Variants in GABRQ observed in about 807,000 individuals in gnomAD.
The protein encoded by GABRQ is gamma-aminobutyric acid receptor subunit theta.
In GABRQ, 19 loss-of-function variants were observed where a neutral mutation model predicts 30.5. The observed-to-expected ratio is 0.62, with a 90% CI of 0.43 to 0.91. The LOEUF (loss-of-function observed/expected upper bound fraction) is 0.91. Among genes scored for constraint, GABRQ ranks in the 40% least tolerant of loss-of-function variants. The pLI is 0.00. For synonymous variants in GABRQ, 187 were observed against 210.2 expected, an observed-to-expected ratio of 0.89 and a Z score of 0.95; for missense variants, 520 against 521.4, an observed-to-expected ratio of 1.00 and a Z score of 0.03.
Position 152,655,896 on chromosome X carries a change from C to T in GABRQ, c.*2615C>T, listed in dbSNP as rs1258547263. ...AGCAATGCACATGAAGGCTTCACAG[C>T]ACAGAGGAAGGGCAGCGAGGCCAGT... On this transcript the variant is annotated 3_prime_UTR_variant, in exon 9 of 9. Coordinates refer to ENST00000598523, the MANE Select transcript of GABRQ (RefSeq NM_018558.4). 1.8e-5 allele frequency: 2 copies of T among 112,093 alleles called. No homozygotes were observed. Among genetic ancestry groups the T allele is most frequent in the Non-Finnish European group, 3.8e-5 (2 of 53,194 alleles). 9.2% of individuals were successfully genotyped at this position (112,093 alleles called of 1,213,427 possible).
In GABRQ at chrX:152,651,683, C is replaced by T; in HGVS notation, c.1059C>T (p.Phe353=). Residue 353 remains phenylalanine, a synonymous_variant, in exon 8 of 9, where the codon TTC becomes TTT. Coordinates refer to ENST00000598523, the MANE Select transcript of GABRQ (RefSeq NM_018558.4). ...AGTATGTCTACATCAACTATCTTTT[C>T]TACAGTCGAGGACCTCGGCGCCAGC... The part of the protein sequence containing the change: ...LLEYVYINYL[F]YSRGPRRQPR... The T allele has an allele frequency of 8.3e-7, 1 of 1,210,519 alleles. No individual in the cohort carries two copies. The highest frequency in any genetic ancestry group is 1.1e-6 in the Non-Finnish European group (1 of 894,175).
rs781875106 is a variant in GABRQ, at chrX:152,653,485, G to A, written c.*204G>A. On this transcript the variant is annotated 3_prime_UTR_variant, in exon 9 of 9. Transcript: ENST00000598523. The stretch of plus-strand genomic sequence containing the variant: ...CTGGAAGGGAAGGGATTGAGGAGGA[G>A]TTGGAGGTATACAGCACATGGATTT... 3.2e-5 allele frequency: 13 copies of A among 405,191 alleles called. No individual in the cohort carries two copies. The highest frequency in any genetic ancestry group is 5.5e-5 in the Non-Finnish European group (13 of 236,285). The allele number at this position is 405,191 out of a possible 1,213,427, so 33.4% of individuals were successfully genotyped here.
rs782023631 is a variant in GABRQ at position 152,649,445 on chromosome X, C to T, written c.610+112C>T. 1.4e-5 allele frequency: 7 copies of T among 514,740 alleles called. No homozygotes were observed. The African/African-American group carries it at 1.6e-4, about 12-fold the overall frequency. The allele number at this position is 514,740 out of a possible 1,213,427, so 42.4% of individuals were successfully genotyped here. Reference sequence around the variant, plus strand: ...AGTGTATCTCCTGTGCTCCCTCCCTCCCCCCATTCTCTCTCCCAAAATAAA... The same window carrying T: ...AGTGTATCTCCTGTGCTCCCTCCCTTCCCCCATTCTCTCTCCCAAAATAAA... On this transcript the variant is annotated intron_variant, in intron 5 of 8. Transcript: ENST00000598523.
chrX:152,652,309 G>A (rs1190185726), intron 8 of GABRQ, among the ~76,000 whole-genome samples: 14 of 113,053 alleles, frequency 1.2e-4, no homozygotes, highest in African/African-American at 3.5e-4. Context: ...TGCCTCCAGC[G>A]AGACACTGGC....
intron 4 of GABRQ, among the ~76,000 whole-genome samples, 173 bp downstream of exon 4, chrX:152,647,341 C>T (rs1165534238): frequency 8.9e-6 from 1 of 111,732 alleles, no homozygotes; most frequent in African/African-American, 3.3e-5. Flanking sequence ...TCACAGTTTC[C>T]CACAGACACC....
chrX:152,653,456 C>A lies in GABRQ; in HGVS notation c.*175C>A. 2.3e-6 allele frequency: 1 copy of A among 425,998 alleles called. No individual in the cohort carries two copies. The highest frequency in any genetic ancestry group is 3.8e-5 in the East Asian group (1 of 26,512). The allele number at this position is 425,998 out of a possible 1,213,427, so 35.1% of individuals were successfully genotyped here. The stretch of plus-strand genomic sequence containing the variant: ...GGGGAGTAATTGGAAAGAACATGTT[C>A]TAGCTGGAAGGGAAGGGATTGAGGA... On this transcript the variant is annotated 3_prime_UTR_variant, in exon 9 of 9. Coordinates refer to ENST00000598523, the MANE Select transcript of GABRQ (RefSeq NM_018558.4).
Position 152,656,907 on chromosome X carries a change from C to T in GABRQ, c.*3626C>T, listed in dbSNP as rs782350517. ...TGTTTGTTGTGTAGTGTCCTGTGAT[C>T]AATATAAAATCTATATTATCAGTGT... On this transcript the variant is annotated 3_prime_UTR_variant, in exon 9 of 9. Coordinates refer to ENST00000598523, the MANE Select transcript of GABRQ (RefSeq NM_018558.4). 1 of 111,670 alleles carries T rather than the reference C, an allele frequency of 9.0e-6. No individual in the cohort carries two copies. Among genetic ancestry groups the T allele is most frequent in the Non-Finnish European group, 1.9e-5 (1 of 53,146 alleles). 9.2% of individuals were successfully genotyped at this position (111,670 alleles called of 1,213,427 possible).
chrX:152,649,608 G>T (rs1804073753), intron 5 of GABRQ, 134 bp from the exon 6 acceptor site: 1 of 514,531 alleles, frequency 1.9e-6, no homozygotes, highest in Admixed American at 3.0e-5. Context: ...AGCATAAACG[G>T]TCCTCTGGGA....
intron 2 of GABRQ, among the ~76,000 whole-genome samples, chrX:152,642,334 C>G: frequency 8.9e-6 from 1 of 111,963 alleles, no homozygotes; most frequent in Non-Finnish European, 1.9e-5. Context: ...TCAGGGCATA[C>G]TTCCCCTCAC....
chrX:152,638,285 C>A lies in GABRQ; in HGVS notation c.83C>A (p.Pro28His). The A allele has an allele frequency of 8.3e-7, 1 of 1,210,670 alleles. No individual in the cohort carries two copies. The change falls in exon 1 of 9, where the codon CCC becomes CAC. Residue 28 changes from proline to histidine, a missense_variant. Coordinates refer to ENST00000598523, the MANE Select transcript of GABRQ (RefSeq NM_018558.4). The stretch of plus-strand genomic sequence containing the variant: ...CTCGCGGAGGGCAACTACCCCAGTC[C>A]CATCCCGAAATTCCACTTCGAGTTC... ...TWLAEGNYPS[P>H]IPKFHFEFSS... is the part of the protein sequence containing the mutation.
downstream of GABRQ, among the ~76,000 whole-genome samples, chrX:152,658,917 T>A (rs1461612480): frequency 2.7e-5 from 3 of 111,628 alleles, no homozygotes; most frequent in African/African-American, 9.8e-5. Flanking sequence ...AAGTGAAACC[T>A]CCACCTTCCT....
At chrX:152,652,047 T>C (rs1227124774) in intron 8 of GABRQ, among the ~76,000 whole-genome samples, 3 of 112,715 alleles carry the variant, frequency 2.7e-5, no homozygotes, top group Admixed American at 1.9e-4. Flanking sequence ...TTGGTCCACT[T>C]TGCATGCTTC....
chrX:152,640,513 G>A (rs189697801), intron 2 of GABRQ, 47 bp downstream of exon 2: 3 of 786,809 alleles, frequency 3.8e-6, no homozygotes, highest in Non-Finnish European at 5.9e-6. Flanking sequence ...GTGTCCTAGA[G>A]CTGAGACACA....
intron 1 of GABRQ, among the ~76,000 whole-genome samples, chrX:152,639,622 C>T (rs929126150): frequency 1.8e-5 from 2 of 111,846 alleles, no homozygotes; most frequent in African/African-American, 3.3e-5. Flanking sequence ...ACCCAAGACA[C>T]CTCCAGGGTG....
At chrX:152,641,505 G>A (rs782749107) in intron 2 of GABRQ, among the ~76,000 whole-genome samples, 52 of 112,350 alleles carry the variant, frequency 4.6e-4, no homozygotes, top group African/African-American at 1.6e-3. Context: ...GTTTGGCCTG[G>A]GGAGCGCCAC....
In GABRQ at chrX:152,652,706, G is replaced by GC. The variant is rs781958098; in HGVS notation, c.1330dup (p.Leu444ProfsTer26). 1 of 1,210,859 alleles carries GC rather than the reference G, an allele frequency of 8.3e-7. No individual in the cohort carries two copies. The highest frequency in any genetic ancestry group is 1.1e-6 in the Non-Finnish European group (1 of 894,511). On this transcript the variant is annotated frameshift_variant, in exon 9 of 9. Transcript: ENST00000598523. LOFTEE classifies it low-confidence loss of function (END_TRUNC). The stretch of plus-strand genomic sequence containing the variant: ...CCCACTCACTTCTCTCTCAGGCCAG[G>GC]CCCCCCTGGCCACTGGAGAAAGCCT...
chrX:152,648,597 C>A (rs1382663753), intron 4 of GABRQ, among the ~76,000 whole-genome samples: 1 of 110,535 alleles, frequency 9.0e-6, no homozygotes, highest in East Asian at 2.8e-4. Flanking sequence ...ATCTCCTGAC[C>A]TGATCCGCCT....
intron 2 of GABRQ, among the ~76,000 whole-genome samples, chrX:152,641,421 G>C (rs1263838137): frequency 8.8e-6 from 1 of 113,305 alleles, no homozygotes; most frequent in Non-Finnish European, 1.9e-5. Flanking sequence ...CATATGAATA[G>C]AGGTCTTCCA....
intron 2 of GABRQ, among the ~76,000 whole-genome samples, chrX:152,642,006 G>T (rs1930769999): frequency 9.0e-6 from 1 of 111,705 alleles, no homozygotes; most frequent in Non-Finnish European, 1.9e-5. Context: ...GGGAGCAGGG[G>T]CAAGAATCAA....
Sources: gnomAD v4.1 joint callset for allele counts (sites outside exome capture counted in the v4.1 genomes callset) on GRCh38, gnomAD v4.1.1 for gene constraint, MANE v1.5 for transcripts, NCBI Gene and HGNC (gene_info 2026-07-23, HGNC 2026-07-21) for gene names.